UBASH3B: variants seen among roughly 807,000 people sequenced by gnomAD.
The protein encoded by UBASH3B is ubiquitin-associated and SH3 domain-containing protein B.
A neutral mutation model predicts 83.4 loss-of-function variants in UBASH3B; 37 were observed. The observed-to-expected ratio is 0.44, with a 90% CI of 0.34 to 0.58. The LOEUF (loss-of-function observed/expected upper bound fraction) is 0.58. Among genes scored for constraint, UBASH3B ranks in the 20% least tolerant of loss-of-function variants. UBASH3B has a pLI of 0.01. For missense variants in UBASH3B, 657 were observed against 827.2 expected (o/e 0.79, Z 2.52); for synonymous variants, 304 against 318.3 (o/e 0.96, Z 0.48).
chr11:122,680,153 T>C (rs115255094), intron 1 of UBASH3B, among the ~76,000 whole-genome samples: 1,859 of 152,216 alleles, frequency 0.012, 47 homozygotes, highest in South Asian at 0.084. Flanking sequence ...CATTTAAAAA[T>C]GTGAAAACCA....
At chr11:122,808,436 A>G (rs1290792570) in intron 13 of UBASH3B, among the ~76,000 whole-genome samples, 1 of 152,226 alleles carries the variant, frequency 6.6e-6, no homozygotes, top group African/African-American at 2.4e-5. Context: ...AATTATAAGC[A>G]AATTGTCTGG....
chr11:122,742,214 C>G (rs4144905), intron 1 of UBASH3B, among the ~76,000 whole-genome samples: 68,123 of 151,998 alleles, frequency 0.45, 15,853 homozygotes, highest in African/African-American at 0.58. Context: ...GTCGGGAGAA[C>G]CTTTTTAGAA....
At chr11:122,732,143 G>A (rs1222267821) in intron 1 of UBASH3B, among the ~76,000 whole-genome samples, 1 of 152,186 alleles carries the variant, frequency 6.6e-6, no homozygotes, top group Non-Finnish European at 1.5e-5. Context: ...TTGTGGGGGT[G>A]TGGACACAAC....
intron 1 of UBASH3B, among the ~76,000 whole-genome samples, chr11:122,690,470 T>G (rs1415192370): frequency 6.6e-6 from 1 of 151,704 alleles, no homozygotes; most frequent in Admixed American, 6.6e-5. Context: ...AGGATTACAT[T>G]CTCATGGTTT....
At chr11:122,694,157 G>C (rs1863931877) in intron 1 of UBASH3B, among the ~76,000 whole-genome samples, 1 of 152,076 alleles carries the variant, frequency 6.6e-6, no homozygotes, top group African/African-American at 2.4e-5. Flanking sequence ...AGGGTGAGGG[G>C]CTCAGTTCAG....
intron 1 of UBASH3B, among the ~76,000 whole-genome samples, chr11:122,685,660 G>A (rs1236569034): frequency 6.6e-6 from 1 of 152,104 alleles, no homozygotes; most frequent in Non-Finnish European, 1.5e-5. Context: ...GGAATTACAG[G>A]CGTCTGCCAC....
chr11:122,690,620 C>T (rs978790287), intron 1 of UBASH3B, among the ~76,000 whole-genome samples: 1 of 152,074 alleles, frequency 6.6e-6, no homozygotes, highest in African/African-American at 2.4e-5. Context: ...TTCTGGCCTC[C>T]GAATCCACTG....
intron 10 of UBASH3B, among the ~76,000 whole-genome samples, chr11:122,799,348 G>A (rs981277133): frequency 3.9e-5 from 6 of 152,078 alleles, no homozygotes; most frequent in Non-Finnish European, 8.8e-5. Flanking sequence ...TTAGCCAGGT[G>A]TAGTGCTGCA....
At chr11:122,663,306 G>A (rs980985899) in intron 1 of UBASH3B, among the ~76,000 whole-genome samples, 1 of 152,188 alleles carries the variant, frequency 6.6e-6, no homozygotes. Context: ...AATACCTTAA[G>A]TTTTTAGACC....
intron 11 of UBASH3B, among the ~76,000 whole-genome samples, chr11:122,804,124 C>T (rs192323212): frequency 6.6e-6 from 1 of 152,212 alleles, no homozygotes; most frequent in East Asian, 1.9e-4. Flanking sequence ...GAAATGACTC[C>T]CTGGGCCATA....
At chr11:122,741,684 T>C (rs1314226796) in intron 1 of UBASH3B, among the ~76,000 whole-genome samples, 2 of 152,184 alleles carry the variant, frequency 1.3e-5, no homozygotes, top group Non-Finnish European at 2.9e-5. Context: ...GGCATCCAGC[T>C]GCTCCTCTTC....
intron 1 of UBASH3B, among the ~76,000 whole-genome samples, chr11:122,754,908 C>G (rs7114985): frequency 0.97 from 147,372 of 152,240 alleles, 71,511 homozygotes; most frequent in Middle Eastern, 1. Context: ...ACCCCTGACT[C>G]TACCACCAGC....
At position 122,779,584 on chromosome 11, in the gene UBASH3B, C is replaced by T; in HGVS notation, c.490C>T (p.Leu164=). 1 of 1,614,184 alleles carries T rather than the reference C, an allele frequency of 6.2e-7. No homozygotes were observed. Among genetic ancestry groups the T allele is most frequent in the Non-Finnish European group, 8.5e-7 (1 of 1,180,020 alleles). Residue 164 remains leucine, a synonymous_variant, in exon 4 of 14, where the codon CTG becomes TTG. Transcript: ENST00000284273. ...ATGTAAGTTCTCGGCCCCGCTGCCC[C>T]TGGAGCTCTATACGTCGTCCAACTT... The part of the protein sequence containing the change: ...WKCKFSAPLP[L]ELYTSSNFIG...
chr11:122,748,950 G>C (rs1861161622), intron 1 of UBASH3B, among the ~76,000 whole-genome samples: 1 of 152,124 alleles, frequency 6.6e-6, no homozygotes, highest in African/African-American at 2.4e-5. Context: ...CATCACCTCT[G>C]CCAGAACCCT....
chr11:122,681,155 G>A (rs1254591087), intron 1 of UBASH3B, among the ~76,000 whole-genome samples: 2 of 152,234 alleles, frequency 1.3e-5, no homozygotes, highest in African/African-American at 4.8e-5. Context: ...AGTAATTAAT[G>A]AATCATTCAT....
At chr11:122,735,885 C>G (rs905398165) in intron 1 of UBASH3B, among the ~76,000 whole-genome samples, 6 of 152,132 alleles carry the variant, frequency 3.9e-5, no homozygotes, top group Non-Finnish European at 7.4e-5. Flanking sequence ...CATGGAGCAC[C>G]TTGGACACCA....
chr11:122,753,848 C>A (rs1395046594), intron 1 of UBASH3B, among the ~76,000 whole-genome samples: 2 of 152,122 alleles, frequency 1.3e-5, no homozygotes, highest in African/African-American at 4.8e-5. Flanking sequence ...GATTAACATG[C>A]CTTCACCAGG....
At chr11:122,675,083 C>T (rs1211527455) in intron 1 of UBASH3B, among the ~76,000 whole-genome samples, 1 of 152,180 alleles carries the variant, frequency 6.6e-6, no homozygotes, top group African/African-American at 2.4e-5. Context: ...GTTTATTAAA[C>T]ATGCACCATG....
At chr11:122,688,737 C>T (rs1777185066) in intron 1 of UBASH3B, among the ~76,000 whole-genome samples, 1 of 151,852 alleles carries the variant, frequency 6.6e-6, no homozygotes, top group Non-Finnish European at 1.5e-5. Context: ...CTCCGCCTCC[C>T]GGGTTCACCC....
Sources: gnomAD v4.1 joint callset for allele counts (sites outside exome capture counted in the v4.1 genomes callset) on GRCh38, gnomAD v4.1.1 for gene constraint, MANE v1.5 for transcripts, NCBI Gene and HGNC (gene_info 2026-07-23, HGNC 2026-07-21) for gene names.